The following SYNE1 variants were observed in gnomAD, a reference collection of about 807,000 sequenced individuals.
SYNE1 encodes nesprin-1.
A neutral mutation model predicts 1,111.0 loss-of-function variants in SYNE1; 616 were observed. The ratio of observed to expected loss-of-function variants is 0.55; its 90% CI spans 0.52 to 0.59. The LOEUF (loss-of-function observed/expected upper bound fraction) is 0.59, where lower values mean the gene tolerates loss of function less well. Ranked by LOEUF, SYNE1 falls within the 20% of genes least tolerant of loss-of-function variation. The probability of loss-of-function intolerance (pLI) is 0.00; values close to 1 mark genes in which losing one functional copy is unlikely to be tolerated. For synonymous variants in SYNE1, 3,855 were observed against 3,825.8 expected (o/e 1.01, Z -0.28); for missense variants, 10,006 against 10,417.0 (o/e 0.96, Z 1.72).
At chr6:152,606,976 C>CTTTTTTTTTTTTTTTTTTT (rs11387272) in intron 3 of SYNE1, among the ~76,000 whole-genome samples, 4 of 109,138 alleles carry the variant, frequency 3.7e-5, no homozygotes, top group African/African-American at 1.5e-4. Flanking sequence ...TGCCTCGGTT[C>CTTTTTTTTTTTTTTTTTTT]TCTTTTTTTT....
At chr6:152,552,978 T>C (rs1291679566) in intron 3 of SYNE1, among the ~76,000 whole-genome samples, 1 of 152,214 alleles carries the variant, frequency 6.6e-6, no homozygotes, top group Non-Finnish European at 1.5e-5. Context: ...AGTTTATTCG[T>C]ATAGTAATGA....
chr6:152,205,399 G>A (rs2076320807), intron 126 of SYNE1, among the ~76,000 whole-genome samples: 1 of 152,144 alleles, frequency 6.6e-6, no homozygotes, highest in African/African-American at 2.4e-5. Flanking sequence ...ATTTCATTAA[G>A]TCCTCACAAT....
Position 152,396,977 on chromosome 6 carries a change from T to C in SYNE1, c.7354A>G (p.Ile2452Val). The change falls in exon 50 of 146, where the codon ATT becomes GTT. Residue 2452 changes from isoleucine to valine, a missense_variant. Around this residue, in one of 7 missense-constraint regions of SYNE1, gnomAD observed 4,955 missense variants for 5,017.2 expected, o/e 0.99. Coordinates refer to ENST00000367255, the MANE Select transcript of SYNE1 (RefSeq NM_182961.4). ...TGCCCATCACTGACTGAGTCCAAAA[T>C]GTTCTGTTTCAGGAAATAAAGGTAA... ...LEAKLHDLQN[I>V]LDSVSDGQSK... 1 of 1,614,180 alleles carries C rather than the reference T, an allele frequency of 6.2e-7. No individual in the cohort carries two copies. The highest frequency in any genetic ancestry group is 1.1e-5 in the South Asian group (1 of 91,084).
At chr6:152,368,374 T>G (rs1426623069) in intron 61 of SYNE1, 3 of 153,680 alleles carry the variant, frequency 2.0e-5, no homozygotes, top group Non-Finnish European at 4.3e-5. Context: ...TTTATTTTCT[T>G]CTAAGCTATT....
chr6:152,493,199 T>A (rs974133327), intron 11 of SYNE1, among the ~76,000 whole-genome samples: 1 of 152,008 alleles, frequency 6.6e-6, no homozygotes, highest in Admixed American at 6.6e-5. Flanking sequence ...AACACCAGTA[T>A]CCCATCCCAC....
chr6:152,316,860 T>C lies in SYNE1; in HGVS notation c.16699A>G (p.Ile5567Val), dbSNP rs767326379. The change falls in exon 87 of 146, where the codon ATT becomes GTT. Residue 5567 changes from isoleucine (I) to valine (V), a missense_variant. Coordinates refer to ENST00000367255, the MANE Select transcript of SYNE1 (RefSeq NM_182961.4). ...TTTCCTAAGGTTACCTGATGCAAAA[T>C]ATATTGTTCCCGAAGCTGGCTTGCA... Reference protein sequence around the residue: ...NSASQLREQYILHQTLLEESK... With the variant: ...NSASQLREQYVLHQTLLEESK... 2.5e-5 allele frequency: 40 copies of C among 1,614,062 alleles called. No individual in the cohort carries two copies. The highest frequency in any genetic ancestry group is 3.4e-5 in the Non-Finnish European group (40 of 1,180,032).
chr6:152,465,305 G>A lies in SYNE1; in HGVS notation c.1885C>T (p.Leu629=). The stretch of plus-strand genomic sequence containing the variant: ...TTGAGCATTTTTTCAGCATCCTCTA[G>A]CCAGGCTTGCAGACTAGCCACTGTA... ...GNTVASLQAW[L]EDAEKMLNQS... is the part of the protein sequence containing the mutation. The change falls in exon 18 of 146, where the codon CTA becomes TTA. Residue 629 remains leucine, a synonymous_variant. Transcript: ENST00000367255. 1 of 1,613,636 alleles carries A rather than the reference G, an allele frequency of 6.2e-7. No individual in the cohort carries two copies. The highest frequency in any genetic ancestry group is 1.1e-5 in the South Asian group (1 of 91,070).
intron 55 of SYNE1, among the ~76,000 whole-genome samples, chr6:152,385,211 C>T (rs545147984): frequency 2.6e-5 from 4 of 152,278 alleles, no homozygotes; most frequent in African/African-American, 9.6e-5. Context: ...TGTCCTTATG[C>T]AGAGTAAACG....
At chr6:152,155,823 G>C in intron 132 of SYNE1, 87 bp downstream of exon 132, 1 of 1,518,944 alleles carries the variant, frequency 6.6e-7, no homozygotes, top group Non-Finnish European at 9.1e-7. Context: ...TAACGAACAG[G>C]AAAGAGTGAA....
chr6:152,133,244 A>C, intron 143 of SYNE1, 32 bp downstream of exon 143: 3 of 1,597,758 alleles, frequency 1.9e-6, no homozygotes, highest in Non-Finnish European at 2.6e-6. Flanking sequence ...CCAGTAAGAA[A>C]TGCTACACGA....
At chr6:152,123,922 T>C (rs1056580512) in intron 145 of SYNE1, among the ~76,000 whole-genome samples, 7 of 152,116 alleles carry the variant, frequency 4.6e-5, no homozygotes, top group Admixed American at 2.0e-4. Flanking sequence ...CTAATATCGG[T>C]GGGGGATGCG....
At chr6:152,406,659 A>G (rs971814634) in intron 45 of SYNE1, among the ~76,000 whole-genome samples, 1 of 151,962 alleles carries the variant, frequency 6.6e-6, no homozygotes, top group Non-Finnish European at 1.5e-5. Context: ...CCTGAGGTCA[A>G]GAGTTCAAGA....
intron 3 of SYNE1, among the ~76,000 whole-genome samples, chr6:152,597,186 G>A (rs191021614): frequency 1.3e-5 from 2 of 152,290 alleles, no homozygotes; most frequent in East Asian, 3.9e-4. Flanking sequence ...TTTTCCCATT[G>A]AGCATATGGA....
At chr6:152,524,786 T>C (rs1383750996) in intron 5 of SYNE1, among the ~76,000 whole-genome samples, 1 of 152,134 alleles carries the variant, frequency 6.6e-6, no homozygotes, top group Non-Finnish European at 1.5e-5. Context: ...TGGAACTCAG[T>C]CCCACTGATG....
chr6:152,337,709 AAGACTTC>A (rs1425867196), intron 75 of SYNE1, among the ~76,000 whole-genome samples: 1 of 152,212 alleles, frequency 6.6e-6, no homozygotes, highest in East Asian at 1.9e-4. Flanking sequence ...TTAACTAGAA[AAGACTTC>A]TGTTATTCTC....
At chr6:152,397,662 C>A (rs2097756576) in intron 49 of SYNE1, among the ~76,000 whole-genome samples, 1 of 152,100 alleles carries the variant, frequency 6.6e-6, no homozygotes. Flanking sequence ...TCATTTTTAT[C>A]CCCCATTAGG....
intron 70 of SYNE1, 78 bp from the exon 71 acceptor site, chr6:152,350,848 C>G: frequency 6.6e-7 from 1 of 1,524,688 alleles, no homozygotes; most frequent in East Asian, 2.3e-5. Flanking sequence ...CCATGGTATG[C>G]AAGAGATGAT....
chr6:152,622,846 T>A (rs2128925918), intron 3 of SYNE1, among the ~76,000 whole-genome samples: 1 of 152,280 alleles, frequency 6.6e-6, no homozygotes, highest in East Asian at 1.9e-4. Context: ...CACCGCACTA[T>A]CTTCCACAAA....
At chr6:152,457,676 G>C (rs1369369289) in intron 22 of SYNE1, among the ~76,000 whole-genome samples, 5 of 152,136 alleles carry the variant, frequency 3.3e-5, no homozygotes, top group African/African-American at 1.2e-4. Context: ...ATGGATACTG[G>C]ATGAAAATGG....
Sources: gnomAD v4.1 joint callset for allele counts (sites outside exome capture counted in the v4.1 genomes callset) on GRCh38, gnomAD v4.1.1 for gene constraint, gnomAD v4.1.1 regional missense constraint, MANE v1.5 for transcripts, NCBI Gene and HGNC (gene_info 2026-07-23, HGNC 2026-07-21) for gene names.